Variants in KLHL20 observed in about 807,000 individuals in gnomAD.
KLHL20 encodes kelch-like protein 20.
In KLHL20, 29 loss-of-function variants were observed where a neutral mutation model predicts 69.5. The observed-to-expected ratio is 0.42, with a 90% confidence interval of 0.31 to 0.57. The LOEUF is 0.57. Among genes scored for constraint, KLHL20 ranks in the 20% least tolerant of loss-of-function variants. KLHL20 has a pLI of 0.18. For missense variants in KLHL20, 419 were observed against 776.0 expected, an observed-to-expected ratio of 0.54 and a Z score of 5.47; for synonymous variants, 253 against 265.2, an observed-to-expected ratio of 0.95 and a Z score of 0.45.
At chr1:173,726,436 C>T (rs904429214) in intron 2 of KLHL20, among the ~76,000 whole-genome samples, 11 of 152,214 alleles carry the variant, frequency 7.2e-5, no homozygotes, top group East Asian at 5.8e-4. Context: ...GATCTGAAAA[C>T]GGACAGACTG....
At chr1:173,745,974 A>AT (rs1295731840) in intron 3 of KLHL20, among the ~76,000 whole-genome samples, 1 of 152,120 alleles carries the variant, frequency 6.6e-6, no homozygotes, top group Non-Finnish European at 1.5e-5. Context: ...AAAAAAAAAA[A>AT]GTATTCATGT....
chr1:173,761,155 GGT>G (rs986869791), intron 7 of KLHL20, among the ~76,000 whole-genome samples: 26 of 152,256 alleles, frequency 1.7e-4, no homozygotes, highest in Non-Finnish European at 3.2e-4. Context: ...AGTATATAAT[GGT>G]AAAAGGCTTT....
At chr1:173,746,042 A>C (rs1467622720) in intron 3 of KLHL20, among the ~76,000 whole-genome samples, 1 of 152,136 alleles carries the variant, frequency 6.6e-6, no homozygotes, top group Non-Finnish European at 1.5e-5. Flanking sequence ...AATTTTGTCA[A>C]AGACTTTTTC....
At position 173,757,039 on chromosome 1, in the gene KLHL20, A is replaced by G. The variant is rs550414530; in HGVS notation, c.1031A>G (p.Glu344Gly). Residue 344 changes from glutamate (E) to glycine (G), a missense_variant, in exon 7 of 12, where the codon GAA becomes GGA. Glu to Gly is a moderately conservative substitution (Grantham distance 98). Transcript: ENST00000209884. ...SVERYDPQTN[E>G]WRMVASMSKR... Reference sequence around the variant, plus strand: ...GAACGATATGATCCACAGACCAATGAATGGAGAATGGTGGCTTCAATGAGC... The same window carrying G: ...GAACGATATGATCCACAGACCAATGGATGGAGAATGGTGGCTTCAATGAGC... The G allele has an allele frequency of 2.5e-6, 4 of 1,614,178 alleles. 1 individual carries two copies. The South Asian group carries it at 4.4e-5, about 18-fold the overall frequency.
intron 10 of KLHL20, among the ~76,000 whole-genome samples, chr1:173,779,512 A>C (rs913451850): frequency 2.0e-5 from 3 of 151,900 alleles, no homozygotes; most frequent in African/African-American, 7.3e-5. Flanking sequence ...CACCATGTCC[A>C]GCTAACTTTT....
intron 3 of KLHL20, among the ~76,000 whole-genome samples, chr1:173,734,969 G>T (rs183021327): frequency 1.3e-5 from 2 of 152,296 alleles, no homozygotes; most frequent in Admixed American, 1.3e-4. Context: ...GTATTACAGA[G>T]AAATTTAACT....
chr1:173,746,364 G>GT (rs1673059084), intron 3 of KLHL20, among the ~76,000 whole-genome samples: 1 of 152,124 alleles, frequency 6.6e-6, no homozygotes, highest in Non-Finnish European at 1.5e-5. Flanking sequence ...GTCTGTAAAA[G>GT]TTTGATAGAA....
intron 2 of KLHL20, among the ~76,000 whole-genome samples, chr1:173,725,409 C>T (rs181638629): frequency 6.6e-6 from 1 of 152,122 alleles, no homozygotes; most frequent in Admixed American, 6.5e-5. Context: ...TCCAGTGATC[C>T]ATTCTATTCC....
chr1:173,744,312 A>G (rs1366352784), intron 3 of KLHL20, among the ~76,000 whole-genome samples: 1 of 151,954 alleles, frequency 6.6e-6, no homozygotes, highest in Non-Finnish European at 1.5e-5. Flanking sequence ...GTTTTAATGT[A>G]TTTTGCCCAT....
At chr1:173,778,395 G>A (rs901437227) in intron 10 of KLHL20, among the ~76,000 whole-genome samples, 1 of 152,014 alleles carries the variant, frequency 6.6e-6, no homozygotes, top group African/African-American at 2.4e-5. Flanking sequence ...ATGATACAAT[G>A]TCGGCTCATT....
intron 2 of KLHL20, among the ~76,000 whole-genome samples, chr1:173,728,076 A>G (rs1672066577): frequency 6.6e-6 from 1 of 152,176 alleles, no homozygotes; most frequent in Non-Finnish European, 1.5e-5. Flanking sequence ...CAAATGGAAA[A>G]CAAAGGCAGG....
chr1:173,758,427 A>G (rs929997234), intron 7 of KLHL20, among the ~76,000 whole-genome samples: 3 of 152,202 alleles, frequency 2.0e-5, no homozygotes, highest in African/African-American at 4.8e-5. Context: ...CGGAGGCTTG[A>G]TTGCAAATGT....
chr1:173,757,770 G>T (rs1308928152), intron 7 of KLHL20, among the ~76,000 whole-genome samples: 1 of 151,784 alleles, frequency 6.6e-6, no homozygotes. Flanking sequence ...TTAGTTACTA[G>T]TTACTTGTTC....
At chr1:173,768,631 T>G (rs1391099547) in intron 8 of KLHL20, among the ~76,000 whole-genome samples, 3 of 152,194 alleles carry the variant, frequency 2.0e-5, no homozygotes, top group Non-Finnish European at 4.4e-5. Context: ...GAGTAATAGA[T>G]AGCAAAGCTA....
chr1:173,731,310 A>C (rs984257699), intron 2 of KLHL20, among the ~76,000 whole-genome samples: 1 of 152,200 alleles, frequency 6.6e-6, no homozygotes, highest in African/African-American at 2.4e-5. Flanking sequence ...TCAGTGTGGC[A>C]ATTCCTCAGG....
chr1:173,730,176 C>G (rs907730450), intron 2 of KLHL20, among the ~76,000 whole-genome samples: 5 of 152,090 alleles, frequency 3.3e-5, no homozygotes, highest in Non-Finnish European at 7.4e-5. Context: ...TGTGAAGGAT[C>G]TCTTCAAGGA....
chr1:173,752,888 G>T (rs2102500061), intron 4 of KLHL20, among the ~76,000 whole-genome samples: 1 of 152,170 alleles, frequency 6.6e-6, no homozygotes, highest in East Asian at 1.9e-4. Context: ...GTGTTTATTG[G>T]CTGGGTGCAG....
At chr1:173,740,487 T>C (rs538567195) in intron 3 of KLHL20, among the ~76,000 whole-genome samples, 2 of 152,158 alleles carry the variant, frequency 1.3e-5, no homozygotes, top group Admixed American at 6.5e-5. Flanking sequence ...TACCTTAGAT[T>C]GTCTATTTGT....
rs184930338 is a variant in KLHL20, at chr1:173,747,179, T to C, written c.598-4585T>C. Reference sequence around the variant, plus strand: ...GTGTATTTTCTAGTTTCTGTTCTCATAATATAGTATTTGATATGTATGCAT... The same window carrying C: ...GTGTATTTTCTAGTTTCTGTTCTCACAATATAGTATTTGATATGTATGCAT... On this transcript the variant is annotated intron_variant, in intron 3 of 11. Coordinates refer to ENST00000209884, the MANE Select transcript of KLHL20 (RefSeq NM_014458.4). Among the ~76,000 whole-genome samples, 110 of 151,838 alleles carry C rather than the reference T, an allele frequency of 7.2e-4. 1 individual carries two copies. Among genetic ancestry groups the C allele is most frequent in the African/African-American group, 2.6e-3 (109 of 41,256 alleles).
Sources: allele counts gnomAD v4.1 joint callset (sites outside exome capture counted in the v4.1 genomes callset), GRCh38; gene constraint gnomAD v4.1.1; transcripts MANE v1.5; gene names NCBI Gene and HGNC (gene_info 2026-07-23, HGNC 2026-07-21).